GPC5: variants seen among roughly 807,000 people sequenced by gnomAD.
GPC5 encodes glypican-5.
A neutral mutation model predicts 53.9 loss-of-function variants in GPC5; 47 were observed. That is an observed-to-expected ratio of 0.87 (90% CI 0.69 to 1.11). The LOEUF (loss-of-function observed/expected upper bound fraction) is 1.11. Ranked by LOEUF, GPC5 falls within the 50% of genes most tolerant of loss-of-function variation. GPC5 has a pLI of 0.00. For synonymous variants in GPC5, 286 were observed against 263.3 expected (o/e 1.09, Z -0.84); for missense variants, 748 against 713.1 (o/e 1.05, Z -0.56).
intron 7 of GPC5, among the ~76,000 whole-genome samples, chr13:92,287,078 C>T (rs1297109068): frequency 6.6e-6 from 1 of 152,064 alleles, no homozygotes; most frequent in Admixed American, 6.6e-5. Context: ...GCTTAATCCA[C>T]CAAGTCTATA....
At chr13:92,076,713 A>G (rs2041254962) in intron 6 of GPC5, among the ~76,000 whole-genome samples, 1 of 152,124 alleles carries the variant, frequency 6.6e-6, no homozygotes, top group South Asian at 2.1e-4. Flanking sequence ...ACATTATGTG[A>G]CAAAGAAGAA....
intron 7 of GPC5, among the ~76,000 whole-genome samples, chr13:92,512,251 C>CGT (rs1566622138): frequency 1.3e-4 from 10 of 77,624 alleles, no homozygotes; most frequent in South Asian, 4.9e-4. Context: ...TGTGTGTGTG[C>CGT]GCGCGCGCGC....
At chr13:92,327,295 T>A (rs1171035556) in intron 7 of GPC5, among the ~76,000 whole-genome samples, 1 of 152,186 alleles carries the variant, frequency 6.6e-6, no homozygotes, top group African/African-American at 2.4e-5. Flanking sequence ...GCCCAATTTA[T>A]CTTTTGAAAA....
rs10161632 is a variant in GPC5, at chr13:91,536,527, C to T, written c.325+87605C>T. On this transcript the variant is annotated intron_variant, in intron 2 of 7. Transcript: ENST00000377067. ...TGACTTGACCTGAAAAGTATTGTCT[C>T]ACAGTACTGGAGGTTAAAAGTCCAA... Among the ~76,000 whole-genome samples the T allele has an allele frequency of 3.5e-3, 535 of 152,266 alleles. 4 individuals carry two copies. Among genetic ancestry groups the T allele is most frequent in the African/African-American group, 0.012 (511 of 41,552 alleles).
chr13:91,605,274 C>T (rs1473777221), intron 2 of GPC5, among the ~76,000 whole-genome samples: 3 of 147,124 alleles, frequency 2.0e-5, no homozygotes, highest in Admixed American at 6.8e-5. Context: ...AGAGATGCGG[C>T]GTTATTTCTG....
At chr13:91,997,197 G>C (rs2040511481) in intron 6 of GPC5, among the ~76,000 whole-genome samples, 1 of 152,000 alleles carries the variant, frequency 6.6e-6, no homozygotes, top group Non-Finnish European at 1.5e-5. Context: ...GTTCTGTTTT[G>C]CCTCCTATCT....
intron 7 of GPC5, among the ~76,000 whole-genome samples, chr13:92,714,776 G>T (rs1195372100): frequency 6.6e-6 from 1 of 152,058 alleles, no homozygotes; most frequent in Non-Finnish European, 1.5e-5. Flanking sequence ...ATAATAAAAA[G>T]AATTGCTTAG....
intron 6 of GPC5, among the ~76,000 whole-genome samples, chr13:92,015,702 A>T (rs1247631738): frequency 6.6e-6 from 1 of 152,142 alleles, no homozygotes; most frequent in Non-Finnish European, 1.5e-5. Context: ...TTTTCATGTG[A>T]CAGATTTTCA....
intron 7 of GPC5, among the ~76,000 whole-genome samples, chr13:92,804,956 G>T (rs930897030): frequency 6.6e-6 from 1 of 151,854 alleles, no homozygotes; most frequent in Admixed American, 6.6e-5. Flanking sequence ...CTCCTCATCC[G>T]CTCAAGTTTT....
chr13:92,549,638 T>A (rs1253740316), intron 7 of GPC5, among the ~76,000 whole-genome samples: 1 of 152,052 alleles, frequency 6.6e-6, no homozygotes, highest in Non-Finnish European at 1.5e-5. Context: ...GCTCAACAAA[T>A]GAGAATAATG....
intron 5 of GPC5, among the ~76,000 whole-genome samples, chr13:91,848,361 A>T (rs2038875407): frequency 6.6e-6 from 1 of 152,256 alleles, no homozygotes; most frequent in African/African-American, 2.4e-5. Context: ...GAAAACTAGT[A>T]GTGGAAACTA....
intron 7 of GPC5, among the ~76,000 whole-genome samples, chr13:92,520,131 T>C (rs1040198010): frequency 6.6e-6 from 1 of 152,136 alleles, no homozygotes; most frequent in East Asian, 1.9e-4. Flanking sequence ...ATTGAGGCAA[T>C]AATTAATAGC....
intron 7 of GPC5, among the ~76,000 whole-genome samples, chr13:92,762,604 T>G (rs150752738): frequency 6.6e-6 from 1 of 152,284 alleles, no homozygotes; most frequent in African/African-American, 2.4e-5. Flanking sequence ...TGTATCTGGA[T>G]GTCCATATCT....
At chr13:92,662,909 G>GAGCC (rs1886398580) in intron 7 of GPC5, among the ~76,000 whole-genome samples, 1 of 151,904 alleles carries the variant, frequency 6.6e-6, no homozygotes, top group Non-Finnish European at 1.5e-5. Flanking sequence ...ATCTACCCTG[G>GAGCC]AGCCCTTCCT....
chr13:92,844,362 C>T (rs1878530905), intron 7 of GPC5, among the ~76,000 whole-genome samples: 1 of 152,054 alleles, frequency 6.6e-6, no homozygotes, highest in Non-Finnish European at 1.5e-5. Flanking sequence ...TCACTCACCT[C>T]ATAAAACAAG....
chr13:92,586,716 T>C, intron 7 of GPC5, among the ~76,000 whole-genome samples: 1 of 152,174 alleles, frequency 6.6e-6, no homozygotes, highest in East Asian at 1.9e-4. Context: ...AGTCCTGCCC[T>C]GCCCCTAAAG....
chr13:92,839,473 GC>G, intron 7 of GPC5, among the ~76,000 whole-genome samples: 1 of 151,938 alleles, frequency 6.6e-6, no homozygotes. Flanking sequence ...CCTGCAACAG[GC>G]CCCAATGTGT....
At chr13:91,740,932 G>C (rs1403535690) in intron 4 of GPC5, among the ~76,000 whole-genome samples, 2 of 152,052 alleles carry the variant, frequency 1.3e-5, no homozygotes, top group African/African-American at 4.8e-5. Flanking sequence ...CAATTAAGTA[G>C]GTAATTAGGA....
At chr13:91,663,386 T>C (rs1364749549) in intron 2 of GPC5, among the ~76,000 whole-genome samples, 2 of 152,228 alleles carry the variant, frequency 1.3e-5, no homozygotes, top group African/African-American at 4.8e-5. Context: ...CATTTTGCTG[T>C]ATAAATATAT....
Sources: allele counts gnomAD v4.1 joint callset (sites outside exome capture counted in the v4.1 genomes callset), GRCh38; gene constraint gnomAD v4.1.1; transcripts MANE v1.5; gene names NCBI Gene and HGNC (gene_info 2026-07-23, HGNC 2026-07-21).